The following F2RL2 variants were observed in gnomAD, a reference collection of about 807,000 sequenced individuals.
The protein encoded by F2RL2 is coagulation factor II thrombin receptor like 2.
Under a neutral mutation model 4.3 loss-of-function variants are expected in F2RL2, and 4 were observed. That is an observed-to-expected ratio of 0.93 (90% CI 0.46 to 2.12). F2RL2 has a LOEUF of 2.12. Ranked by LOEUF, F2RL2 falls within the 30% of genes most tolerant of loss-of-function variation. F2RL2 has a pLI of 0.02. For missense variants in F2RL2, 408 were observed against 449.3 expected, an observed-to-expected ratio of 0.91 and a Z score of 0.83; for synonymous variants, 166 against 170.9, an observed-to-expected ratio of 0.97 and a Z score of 0.22.
intron 1 of F2RL2, among the ~76,000 whole-genome samples, chr5:76,621,732 T>C (rs1476948426): frequency 6.6e-6 from 1 of 152,200 alleles, no homozygotes. Context: ...AAATAAGGCT[T>C]TTATTCCTCA....
chr5:76,622,553 G>T (rs1352241211), intron 1 of F2RL2, among the ~76,000 whole-genome samples: 2 of 152,118 alleles, frequency 1.3e-5, no homozygotes, highest in African/African-American at 4.8e-5. Context: ...AAAAGCAGGA[G>T]GTTTCAGGCT....
Position 76,618,590 on chromosome 5 carries a change from G to A in F2RL2, c.117C>T (p.Thr39=). ...AAGAATTTGGGGGAGCTCCACGAAA[G>A]GTCTTAATGGGTAAGGTTGGCTTTG... ...NLAKPTLPIK[T]FRGAPPNSFE... Residue 39 remains threonine, a synonymous_variant, in exon 2 of 2, where the codon ACC becomes ACT. Transcript: ENST00000296641. 5 of 1,613,924 alleles carry A rather than the reference G, an allele frequency of 3.1e-6. No homozygotes were observed. Among genetic ancestry groups the A allele is most frequent in the Non-Finnish European group, 4.2e-6 (5 of 1,179,968 alleles).
Position 76,615,706 on chromosome 5 carries a change from G to T in F2RL2, c.*1876C>A, listed in dbSNP as rs1350933822. 6.6e-6 allele frequency: 1 copy of T among 151,692 alleles called. No individual in the cohort carries two copies. The highest frequency in any genetic ancestry group is 1.5e-5 in the Non-Finnish European group (1 of 67,914). The allele number at this position is 151,692 out of a possible 1,614,324, so 9.4% of individuals were successfully genotyped here. On this transcript the variant is annotated 3_prime_UTR_variant, in exon 2 of 2. Coordinates refer to ENST00000296641, the MANE Select transcript of F2RL2 (RefSeq NM_004101.4). ...TCTAATCACTAATGTCTTCCTTCCT[G>T]TCTAATCACTGAGTTAAGGGAAAAA...
rs1748954969 is a variant in F2RL2, at chr5:76,616,244, G to T, written c.*1338C>A. ...TCTAGCCTGAGAATCAGGGAAGAAT[G>T]GTCCTTCAAGGACTTGAAAAAATGA... On this transcript the variant is annotated 3_prime_UTR_variant, in exon 2 of 2. Transcript: ENST00000296641. The T allele has an allele frequency of 6.6e-6, 1 of 152,258 alleles. No individual in the cohort carries two copies. The highest frequency in any genetic ancestry group is 1.5e-5 in the Non-Finnish European group (1 of 68,044). The allele number at this position is 152,258 out of a possible 1,614,324, so 9.4% of individuals were successfully genotyped here.
At chr5:76,622,201 G>A (rs1005925601) in intron 1 of F2RL2, among the ~76,000 whole-genome samples, 3 of 151,604 alleles carry the variant, frequency 2.0e-5, no homozygotes, top group Non-Finnish European at 2.9e-5. Flanking sequence ...AACCCTATTA[G>A]CGTCTTGAAG....
chr5:76,617,296 T>G lies in F2RL2; in HGVS notation c.*286A>C. 1.1e-5 allele frequency: 3 copies of G among 266,324 alleles called. No homozygotes were observed. The highest frequency in any genetic ancestry group is 2.2e-5 in the African/African-American group (1 of 45,758). The allele number at this position is 266,324 out of a possible 1,614,324, so 16.5% of individuals were successfully genotyped here. ...CCCGTCTCTACTAAAAATACAAGTA[T>G]TTTTAGTAGCTGGGCATGGTGGTGT... On this transcript the variant is annotated 3_prime_UTR_variant, in exon 2 of 2. Coordinates refer to ENST00000296641, the MANE Select transcript of F2RL2 (RefSeq NM_004101.4).
chr5:76,622,682 C>CA (rs2150366258), intron 1 of F2RL2, among the ~76,000 whole-genome samples: 1 of 152,116 alleles, frequency 6.6e-6, no homozygotes, highest in African/African-American at 2.4e-5. Context: ...CACTTAAAGT[C>CA]AAAAAAGGTC....
chr5:76,619,914 A>G (rs542464615), intron 1 of F2RL2, among the ~76,000 whole-genome samples: 9 of 152,276 alleles, frequency 5.9e-5, no homozygotes, highest in Middle Eastern at 3.4e-3. Flanking sequence ...GGGTTGTCAA[A>G]GTCAGAGATT....
At chr5:76,618,668 TA>T in intron 1 of F2RL2, 26 bp from the exon 2 acceptor site, 1 of 1,537,148 alleles carries the variant, frequency 6.5e-7, no homozygotes, top group Non-Finnish European at 8.9e-7. Context: ...AGTATTAACA[TA>T]AATGTATAGT....
intron 1 of F2RL2, among the ~76,000 whole-genome samples, chr5:76,621,231 A>G (rs1450277394): frequency 6.6e-6 from 1 of 152,198 alleles, no homozygotes; most frequent in Non-Finnish European, 1.5e-5. Flanking sequence ...GAAACCCTCC[A>G]CGTAAACCTG....
Position 76,617,954 on chromosome 5 carries a change from A to G in F2RL2, c.753T>C (p.Thr251=). 1.2e-6 allele frequency: 2 copies of G among 1,614,180 alleles called. No homozygotes were observed. The highest frequency in any genetic ancestry group is 1.7e-6 in the Non-Finnish European group (2 of 1,180,032). ...DITTCHDVHN[T]CESSSPFQLY... ...GTTGGAAGGGAGATGAGGACTCGCA[A>G]GTGTTGTGAACATCATGGCAGGTGG... Residue 251 remains threonine, a synonymous_variant, in exon 2 of 2, where the codon ACT becomes ACC. Transcript: ENST00000296641.
In F2RL2 at chr5:76,618,377, C is replaced by T. The variant is rs757778588; in HGVS notation, c.330G>A (p.Pro110=). The T allele has an allele frequency of 2.4e-5, 39 of 1,613,986 alleles. No homozygotes were observed. Among genetic ancestry groups the T allele is most frequent in the East Asian group, 4.5e-5 (2 of 44,888 alleles). ...IYLLVFVVGV[P]ANAVTLWMLF... is the part of the protein sequence containing the mutation. Reference sequence around the variant, plus strand: ...GCATCCACAGGGTCACAGCATTGGCCGGGACACCAACTACAAACACCAGGA... The same window carrying T: ...GCATCCACAGGGTCACAGCATTGGCTGGGACACCAACTACAAACACCAGGA... Residue 110 remains proline (P), a synonymous_variant, in exon 2 of 2, where the codon CCG becomes CCA. Coordinates refer to ENST00000296641, the MANE Select transcript of F2RL2 (RefSeq NM_004101.4).
intron 1 of F2RL2, among the ~76,000 whole-genome samples, chr5:76,620,479 CAAG>C (rs1749539925): frequency 6.6e-6 from 1 of 152,104 alleles, no homozygotes; most frequent in Admixed American, 6.5e-5. Flanking sequence ...TGGAGGGAGA[CAAG>C]GAGACAGGAT....
intron 1 of F2RL2, 90 bp from the exon 2 acceptor site, chr5:76,618,732 A>G (rs1038273101): frequency 5.3e-6 from 6 of 1,125,260 alleles, no homozygotes; most frequent in Non-Finnish European, 7.6e-6. Flanking sequence ...CTGTGATTGT[A>G]GAATTTAAGA....
chr5:76,620,651 G>A (rs748935360), intron 1 of F2RL2, among the ~76,000 whole-genome samples: 3 of 152,150 alleles, frequency 2.0e-5, no homozygotes, highest in Non-Finnish European at 4.4e-5. Context: ...CTGCATGGAG[G>A]CTCTCGTTTA....
At chr5:76,619,761 G>A (rs960150979) in intron 1 of F2RL2, among the ~76,000 whole-genome samples, 64 of 152,110 alleles carry the variant, frequency 4.2e-4, no homozygotes, top group Non-Finnish European at 5.3e-4. Context: ...CTCGTGATCT[G>A]CCCGCCTCGG....
In F2RL2 at chr5:76,618,534, C is replaced by T. The variant is rs746928505; in HGVS notation, c.173G>A (p.Gly58Asp). The change falls in exon 2 of 2, where the codon GGC becomes GAC. Residue 58 changes from glycine (G) to aspartate (D), a missense_variant. Physicochemically the swap from Gly to Asp is moderately conservative, Grantham distance 94. Coordinates refer to ENST00000296641, the MANE Select transcript of F2RL2 (RefSeq NM_004101.4). ...TACAGTAATCGTGGCTCCTGTCCAGCCTTCCAAGGCAGAAAAGGGGAACTC... is the reference window on the plus strand; with the variant it reads ...TACAGTAATCGTGGCTCCTGTCCAGTCTTCCAAGGCAGAAAAGGGGAACTC... The part of the protein sequence containing the change: ...FEEFPFSALE[G>D]WTGATITVKI... The T allele has an allele frequency of 6.4e-5, 104 of 1,614,018 alleles. No homozygotes were observed. Among genetic ancestry groups the T allele is most frequent in the African/African-American group, 5.6e-4 (42 of 74,904 alleles).
chr5:76,615,817 T>C lies in F2RL2; in HGVS notation c.*1765A>G, dbSNP rs907892648. 7 of 152,576 alleles carry C rather than the reference T, an allele frequency of 4.6e-5. No individual in the cohort carries two copies. The highest frequency in any genetic ancestry group is 1.7e-4 in the African/African-American group (7 of 41,434). The allele number at this position is 152,576 out of a possible 1,614,324, so 9.5% of individuals were successfully genotyped here. On this transcript the variant is annotated 3_prime_UTR_variant, in exon 2 of 2. Coordinates refer to ENST00000296641, the MANE Select transcript of F2RL2 (RefSeq NM_004101.4). ...AAGCTATGTCTAAGAAAAAAAATAG[T>C]GGAGGCATTATTTAAAACTTCTAAA...
intron 1 of F2RL2, among the ~76,000 whole-genome samples, chr5:76,619,605 C>T (rs1304538597): frequency 1.3e-5 from 2 of 150,898 alleles, no homozygotes; most frequent in Non-Finnish European, 2.9e-5. Flanking sequence ...CAACCTCCGC[C>T]TCCCGGGTTC....
Sources: gnomAD v4.1 joint callset for allele counts (sites outside exome capture counted in the v4.1 genomes callset) on GRCh38, gnomAD v4.1.1 for gene constraint, MANE v1.5 for transcripts, NCBI Gene and HGNC (gene_info 2026-07-23, HGNC 2026-07-21) for gene names.